Variants in DLG2 observed in about 807,000 individuals in gnomAD.
DLG2 encodes disks large homolog 2.
Under a neutral mutation model 132.5 loss-of-function variants are expected in DLG2, and 45 were observed. That is an observed-to-expected ratio of 0.34 (90% CI 0.27 to 0.44). The LOEUF (loss-of-function observed/expected upper bound fraction) is 0.44, where lower values mean the gene tolerates loss of function less well. Among genes scored for constraint, DLG2 ranks in the 20% least tolerant of loss-of-function variants. DLG2 has a pLI of 1.00. For missense variants in DLG2, 1,045 were observed against 1,196.9 expected (o/e 0.87, Z 1.87); for synonymous variants, 424 against 419.6 (o/e 1.01, Z -0.13).
chr11:83,509,579 T>C (rs2094903180), intron 21 of DLG2, among the ~76,000 whole-genome samples: 1 of 152,200 alleles, frequency 6.6e-6, no homozygotes, highest in South Asian at 2.1e-4. Flanking sequence ...CTTATGGTAC[T>C]CCATCTCTCA....
At chr11:83,917,389 C>T (rs886855741) in intron 15 of DLG2, among the ~76,000 whole-genome samples, 5 of 152,162 alleles carry the variant, frequency 3.3e-5, no homozygotes, top group East Asian at 1.9e-4. Flanking sequence ...AATGACCTAA[C>T]CTATGTTAGA....
At chr11:83,709,938 T>A (rs532076628) in intron 18 of DLG2, among the ~76,000 whole-genome samples, 3 of 152,158 alleles carry the variant, frequency 2.0e-5, no homozygotes, top group African/African-American at 4.8e-5. Flanking sequence ...AGCTTTACCC[T>A]CTTGCTGTCC....
chr11:84,259,263 G>GA (rs397968137), intron 7 of DLG2, among the ~76,000 whole-genome samples: 10,181 of 96,980 alleles, frequency 0.1, 594 homozygotes, highest in African/African-American at 0.2. Context: ...ACTGTGTCTC[G>GA]AAAAAAAAAA....
At chr11:85,318,903 G>A (rs527631572) in intron 3 of DLG2, among the ~76,000 whole-genome samples, 1 of 151,860 alleles carries the variant, frequency 6.6e-6, no homozygotes, top group African/African-American at 2.4e-5. Flanking sequence ...ATTATACAAT[G>A]ACTACATAAC....
intron 3 of DLG2, among the ~76,000 whole-genome samples, chr11:85,300,955 C>A (rs2079549180): frequency 6.6e-6 from 1 of 152,150 alleles, no homozygotes; most frequent in African/African-American, 2.4e-5. Flanking sequence ...AATCCCAGCA[C>A]TTTGGTAGGC....
At chr11:85,289,208 A>G (rs1215275582) in intron 3 of DLG2, among the ~76,000 whole-genome samples, 1 of 152,124 alleles carries the variant, frequency 6.6e-6, no homozygotes, top group African/African-American at 2.4e-5. Flanking sequence ...TTGGTTAACA[A>G]GAATTATTTT....
intron 7 of DLG2, among the ~76,000 whole-genome samples, chr11:84,256,498 A>G (rs2097473550): frequency 6.6e-6 from 1 of 152,194 alleles, no homozygotes; most frequent in Non-Finnish European, 1.5e-5. Context: ...CAAGAAATTA[A>G]CAGTAACACT....
intron 6 of DLG2, among the ~76,000 whole-genome samples, chr11:84,842,591 G>A (rs1289927758): frequency 6.6e-6 from 1 of 151,946 alleles, no homozygotes; most frequent in African/African-American, 2.4e-5. Flanking sequence ...GCCCCGTCCA[G>A]AGCACTTCAA....
At chr11:84,798,649 C>T (rs146247562) in intron 6 of DLG2, among the ~76,000 whole-genome samples, 75 of 152,278 alleles carry the variant, frequency 4.9e-4, no homozygotes, top group African/African-American at 1.8e-3. Flanking sequence ...ACCCCAATAG[C>T]CTGCTTGGTG....
intron 6 of DLG2, among the ~76,000 whole-genome samples, chr11:84,602,380 G>A (rs2099578169): frequency 1.3e-5 from 2 of 151,372 alleles, no homozygotes; most frequent in African/African-American, 4.8e-5. Flanking sequence ...AAGGTATTAA[G>A]TAACAGAAAG....
In DLG2 at chr11:85,605,205, G is replaced by C. The variant is rs116097198; in HGVS notation, c.-92-6417C>G. On this transcript the variant is annotated intron_variant, in intron 2 of 27. Coordinates refer to ENST00000376104, the MANE Select transcript of DLG2 (RefSeq NM_001142699.3). The stretch of plus-strand genomic sequence containing the variant: ...CTATTTTACATGAAACTGAAACTCA[G>C]AGTGGCTTGTCCAAGATCACACAGC... Among the ~76,000 whole-genome samples, 854 of 152,170 alleles carry C rather than the reference G, an allele frequency of 5.6e-3. 5 individuals carry two copies. The highest frequency in any genetic ancestry group is 0.019 in the African/African-American group (792 of 41,530).
chr11:85,074,829 A>T (rs114090652), intron 6 of DLG2, among the ~76,000 whole-genome samples: 2,192 of 152,010 alleles, frequency 0.014, 67 homozygotes, highest in African/African-American at 0.05. Flanking sequence ...GAAAAACAGT[A>T]TGTGCTAAAT....
chr11:84,448,094 A>G (rs2099040787), intron 7 of DLG2, among the ~76,000 whole-genome samples: 1 of 152,144 alleles, frequency 6.6e-6, no homozygotes, highest in Non-Finnish European at 1.5e-5. Flanking sequence ...ATATCTTTAA[A>G]TTCACATGCT....
intron 7 of DLG2, among the ~76,000 whole-genome samples, chr11:84,322,602 T>TG (rs1305651830): frequency 2.6e-5 from 4 of 151,782 alleles, no homozygotes; most frequent in Non-Finnish European, 1.5e-5. Flanking sequence ...AAGAATTTTT[T>TG]TTTTTTTGAG....
At chr11:83,908,959 C>T (rs1028812299) in intron 15 of DLG2, among the ~76,000 whole-genome samples, 3 of 152,104 alleles carry the variant, frequency 2.0e-5, no homozygotes, top group African/African-American at 7.2e-5. Flanking sequence ...TTCTTGAACT[C>T]CTAGCTCAAG....
In DLG2 at chr11:84,149,720, T is replaced by TTTTA. The variant is rs111864510; in HGVS notation, c.624+13737_624+13740dup. On this transcript the variant is annotated intron_variant, in intron 9 of 27. Transcript: ENST00000376104. Reference sequence around the variant, plus strand: ...AGCCTCTTTTTTGGTTACATAAGAATTTTATTTATTTATTTATTTATTCAT... The same window carrying TTTTA: ...AGCCTCTTTTTTGGTTACATAAGAATTTTATTTATTTATTTATTTATTTATTCAT... Among the ~76,000 whole-genome samples the TTTTA allele has an allele frequency of 4.8e-3, 727 of 152,166 alleles. 5 individuals carry two copies. Among genetic ancestry groups the TTTTA allele is most frequent in the African/African-American group, 0.014 (579 of 41,520 alleles).
At chr11:85,104,890 A>C (rs1402792077) in intron 6 of DLG2, among the ~76,000 whole-genome samples, 5 of 150,118 alleles carry the variant, frequency 3.3e-5, no homozygotes, top group Admixed American at 6.7e-5. Context: ...AAAAAAAAAA[A>C]AAAAAAAAAA....
Position 85,493,193 on chromosome 11 carries a change from G to A in DLG2, c.40+105464C>T, listed in dbSNP as rs990896877. Among the ~76,000 whole-genome samples the A allele has an allele frequency of 3.3e-5, 5 of 152,088 alleles. No homozygotes were observed. In the South Asian group the frequency reaches 6.2e-4, roughly 19 times the overall value. On this transcript the variant is annotated intron_variant, in intron 3 of 27. Transcript: ENST00000376104. Reference sequence around the variant, plus strand: ...GGTTTATATGGTAGTAGTACATGAGGTGCAATGTATTAGATTAAAACAAGC... The same window carrying A: ...GGTTTATATGGTAGTAGTACATGAGATGCAATGTATTAGATTAAAACAAGC...
chr11:85,599,958 A>G (rs1219732678), intron 2 of DLG2, among the ~76,000 whole-genome samples: 1 of 152,200 alleles, frequency 6.6e-6, no homozygotes, highest in Admixed American at 6.5e-5. Context: ...TCACTTTCAA[A>G]AAAGCCTAAA....
Sources: gnomAD v4.1 joint callset for allele counts (sites outside exome capture counted in the v4.1 genomes callset) on GRCh38, gnomAD v4.1.1 for gene constraint, MANE v1.5 for transcripts, NCBI Gene and HGNC (gene_info 2026-07-23, HGNC 2026-07-21) for gene names.